Variants in CSMD1 observed in about 807,000 individuals in gnomAD.
CSMD1 encodes the protein CUB and Sushi multiple domains 1.
In CSMD1, 213 loss-of-function variants were observed where a neutral mutation model predicts 417.5. That is an observed-to-expected ratio of 0.51 (90% CI 0.46 to 0.57). The LOEUF is 0.57. Among genes scored for constraint, CSMD1 ranks in the 20% least tolerant of loss-of-function variants. The pLI is 0.00. For missense variants in CSMD1, 6,923 were observed against 4,529.7 expected, an observed-to-expected ratio of 1.53 and a Z score of -15.17; for synonymous variants, 2,862 against 1,736.8, an observed-to-expected ratio of 1.65 and a Z score of -16.11.
At chr8:3,664,314 C>T (rs1175432299) in intron 7 of CSMD1, among the ~76,000 whole-genome samples, 3 of 152,056 alleles carry the variant, frequency 2.0e-5, no homozygotes, top group African/African-American at 4.8e-5. Context: ...ACTGTTTGCT[C>T]AGAATGATGT....
At chr8:3,229,409 T>C (rs1172731248) in intron 27 of CSMD1, among the ~76,000 whole-genome samples, 1 of 152,186 alleles carries the variant, frequency 6.6e-6, no homozygotes, top group Non-Finnish European at 1.5e-5. Context: ...CAATTACTAT[T>C]TTACATAAAA....
intron 23 of CSMD1, among the ~76,000 whole-genome samples, chr8:3,341,004 C>G (rs142544694): frequency 2.3e-3 from 348 of 152,302 alleles, no homozygotes; most frequent in African/African-American, 8.0e-3. Flanking sequence ...TCAAAAATGT[C>G]TGTAGAATTG....
At chr8:3,686,816 C>T (rs1563272773) in intron 7 of CSMD1, among the ~76,000 whole-genome samples, 1 of 152,204 alleles carries the variant, frequency 6.6e-6, no homozygotes. Context: ...CTTATGAGGG[C>T]TCCCAGGCCA....
intron 12 of CSMD1, among the ~76,000 whole-genome samples, chr8:3,411,745 TAC>T (rs755155837): frequency 8.3e-5 from 11 of 132,624 alleles, no homozygotes; most frequent in South Asian, 2.5e-4. Flanking sequence ...CGTGTATATA[TAC>T]ACGTGTATAT....
rs2117348560 is a variant in CSMD1 at position 4,813,983 on chromosome 8, CAATTGTTGCATAATTGATT to C, written c.86-176444_86-176426del. On this transcript the variant is annotated intron_variant, in intron 1 of 69. Coordinates refer to ENST00000635120, the MANE Select transcript of CSMD1 (RefSeq NM_033225.6). ...TAATCAGTGATTCATAATTAATCAA[CAATTGTTGCATAATTGATT>C]AACACCCTTTTTGAGCTTCATCACA... 1.3e-5 allele frequency among the ~76,000 whole-genome samples: 2 copies of C among 152,188 alleles called. 1 individual carries two copies. Among genetic ancestry groups the C allele is most frequent in the South Asian group, 4.1e-4 (2 of 4,824 alleles).
At chr8:4,358,766 G>C (rs567478737) in intron 3 of CSMD1, among the ~76,000 whole-genome samples, 2 of 152,092 alleles carry the variant, frequency 1.3e-5, no homozygotes, top group African/African-American at 2.4e-5. Context: ...AAAGCAATTA[G>C]GTTGCAATAA....
At chr8:3,794,830 A>C (rs1217878888) in intron 5 of CSMD1, among the ~76,000 whole-genome samples, 1 of 151,632 alleles carries the variant, frequency 6.6e-6, no homozygotes, top group Admixed American at 6.6e-5. Context: ...CTGAAGGTAA[A>C]ATTATCAAGG....
chr8:3,151,308 A>G, intron 40 of CSMD1, 89 bp downstream of exon 40: 2 of 788,186 alleles, frequency 2.5e-6, no homozygotes, highest in South Asian at 3.3e-5. Flanking sequence ...AGTTATGCCA[A>G]CAGAATAAGG....
At chr8:3,930,241 A>G (rs1810047391) in intron 5 of CSMD1, among the ~76,000 whole-genome samples, 1 of 150,412 alleles carries the variant, frequency 6.6e-6, no homozygotes, top group Non-Finnish European at 1.5e-5. Flanking sequence ...TCCTTCTTCA[A>G]AGACTTTCCT....
intron 3 of CSMD1, among the ~76,000 whole-genome samples, chr8:4,318,861 A>G (rs1260491860): frequency 2.0e-5 from 3 of 152,322 alleles, no homozygotes; most frequent in Non-Finnish European, 4.4e-5. Context: ...TACAAGATAG[A>G]TAACATCAGA....
At chr8:4,209,597 T>C (rs1800185205) in intron 3 of CSMD1, among the ~76,000 whole-genome samples, 1 of 152,050 alleles carries the variant, frequency 6.6e-6, no homozygotes, top group Non-Finnish European at 1.5e-5. Flanking sequence ...CTTTTCCCTG[T>C]CCCCGTGATG....
chr8:4,868,991 T>C (rs755210358), intron 1 of CSMD1, among the ~76,000 whole-genome samples: 3 of 151,960 alleles, frequency 2.0e-5, no homozygotes, highest in Non-Finnish European at 4.4e-5. Context: ...ATAGATGATA[T>C]AAAGATAATA....
At chr8:3,426,461 T>C (rs1362375034) in intron 12 of CSMD1, among the ~76,000 whole-genome samples, 1 of 152,166 alleles carries the variant, frequency 6.6e-6, no homozygotes, top group African/African-American at 2.4e-5. Context: ...AATCAATTAA[T>C]GGAAAAGGAA....
chr8:4,189,445 A>G (rs922564776), intron 3 of CSMD1, among the ~76,000 whole-genome samples: 6 of 152,242 alleles, frequency 3.9e-5, no homozygotes, highest in Non-Finnish European at 8.8e-5. Context: ...GTAGTCCAGC[A>G]AAGTATGTTT....
At chr8:4,832,639 C>A (rs929376150) in intron 1 of CSMD1, among the ~76,000 whole-genome samples, 1 of 152,112 alleles carries the variant, frequency 6.6e-6, no homozygotes, top group African/African-American at 2.4e-5. Flanking sequence ...AATCTATCTG[C>A]TAAATGCTTT....
intron 3 of CSMD1, among the ~76,000 whole-genome samples, chr8:4,228,491 A>T (rs1801503657): frequency 6.6e-6 from 1 of 151,498 alleles, no homozygotes; most frequent in Non-Finnish European, 1.5e-5. Flanking sequence ...ATCCTCCCCC[A>T]ACTGTCTCTG....
chr8:3,967,068 T>A (rs1455191313), intron 5 of CSMD1, among the ~76,000 whole-genome samples: 3 of 152,180 alleles, frequency 2.0e-5, no homozygotes, highest in Non-Finnish European at 4.4e-5. Context: ...AAATCAGACA[T>A]GAGCAAGCTA....
At chr8:3,945,111 A>C (rs1405744951) in intron 5 of CSMD1, among the ~76,000 whole-genome samples, 9 of 151,948 alleles carry the variant, frequency 5.9e-5, no homozygotes, top group East Asian at 5.8e-4. Flanking sequence ...GATAATTATA[A>C]AATTAAGCCT....
At chr8:4,311,950 C>T (rs1363379336) in intron 3 of CSMD1, among the ~76,000 whole-genome samples, 1 of 151,874 alleles carries the variant, frequency 6.6e-6, no homozygotes, top group Non-Finnish European at 1.5e-5. Flanking sequence ...ACTTGTATCC[C>T]TAAACCTGAA....
Sources: gnomAD v4.1 joint callset for allele counts (sites outside exome capture counted in the v4.1 genomes callset) on GRCh38, gnomAD v4.1.1 for gene constraint, MANE v1.5 for transcripts, NCBI Gene and HGNC (gene_info 2026-07-23, HGNC 2026-07-21) for gene names.